IL23R: variants seen among roughly 807,000 people sequenced by gnomAD.
IL23R encodes interleukin 23 receptor, also known as interleukin-23 receptor.
Under a neutral mutation model 56.9 loss-of-function variants are expected in IL23R, and 34 were observed. The ratio of observed to expected loss-of-function variants is 0.60; its 90% CI spans 0.45 to 0.80. The LOEUF is 0.80. IL23R is among the 30% of genes least tolerant of loss of function. IL23R has a pLI of 0.00. For synonymous variants in IL23R, 230 were observed against 249.2 expected (o/e 0.92, Z 0.73); for missense variants, 635 against 730.0 (o/e 0.87, Z 1.50).
chr1:67,147,311 AT>A (rs1485294749), intron 1 of IL23R, among the ~76,000 whole-genome samples: 1 of 151,982 alleles, frequency 6.6e-6, no homozygotes, highest in Non-Finnish European at 1.5e-5. Flanking sequence ...ATTAATTCCC[AT>A]TTTTTCACAT....
At chr1:67,167,036 A>T (rs1170853295) in intron 1 of IL23R, among the ~76,000 whole-genome samples, 1 of 152,208 alleles carries the variant, frequency 6.6e-6, no homozygotes. Context: ...TAAACTAACA[A>T]CGGTATTATT....
intron 1 of IL23R, among the ~76,000 whole-genome samples, chr1:67,146,603 A>T (rs139705905): frequency 6.6e-6 from 1 of 152,180 alleles, no homozygotes; most frequent in South Asian, 2.1e-4. Context: ...ATCCTGGCCC[A>T]TTATCTTTTA....
chr1:67,150,696 T>C (rs1418806385), intron 1 of IL23R, among the ~76,000 whole-genome samples: 1 of 143,434 alleles, frequency 7.0e-6, no homozygotes, highest in East Asian at 2.0e-4. Context: ...GTTATCCAGA[T>C]AGAGATGTTG....
chr1:67,196,875 C>G (rs1237734417), intron 4 of IL23R, among the ~76,000 whole-genome samples: 1 of 152,156 alleles, frequency 6.6e-6, no homozygotes, highest in Non-Finnish European at 1.5e-5. Context: ...GACCGCATGC[C>G]TTTGACAACA....
chr1:67,199,329 TC>T lies in IL23R; in HGVS notation c.492-1403del, dbSNP rs569010051. ...TTGTCTCTGTCCAGGAGGTTGGCCT[TC>T]CCCCTACCCCATTGCGATCTCTCAC... On this transcript the variant is annotated intron_variant, in intron 4 of 10. Coordinates refer to ENST00000347310, the MANE Select transcript of IL23R (RefSeq NM_144701.3). 3.1e-3 allele frequency among the ~76,000 whole-genome samples: 471 copies of T among 152,180 alleles called. 5 individuals carry two copies. Among genetic ancestry groups the T allele is most frequent in the African/African-American group, 0.011 (450 of 41,504 alleles).
intron 9 of IL23R, among the ~76,000 whole-genome samples, chr1:67,250,233 G>T (rs186805437): frequency 4.6e-5 from 7 of 152,104 alleles, no homozygotes; most frequent in African/African-American, 1.7e-4. Flanking sequence ...TTTAATTTTG[G>T]TGCCTAAATT....
At chr1:67,149,048 C>T (rs1646706254) in intron 1 of IL23R, among the ~76,000 whole-genome samples, 1 of 152,182 alleles carries the variant, frequency 6.6e-6, no homozygotes, top group African/African-American at 2.4e-5. Context: ...TGTTATAGAA[C>T]ATTGTAGTGA....
At chr1:67,250,863 G>C (rs1652557464) in intron 9 of IL23R, among the ~76,000 whole-genome samples, 1 of 152,170 alleles carries the variant, frequency 6.6e-6, no homozygotes, top group Non-Finnish European at 1.5e-5. Flanking sequence ...GAAATGGCTA[G>C]GAAAACATGC....
At chr1:67,226,696 A>G (rs1650642624) in intron 7 of IL23R, among the ~76,000 whole-genome samples, 1 of 152,196 alleles carries the variant, frequency 6.6e-6, no homozygotes, top group South Asian at 2.1e-4. Context: ...TGGGTTTCCA[A>G]GCTTGAGGGT....
intron 4 of IL23R, among the ~76,000 whole-genome samples, chr1:67,194,112 G>A (rs895071412): frequency 3.3e-5 from 5 of 152,282 alleles, no homozygotes; most frequent in East Asian, 1.9e-4. Context: ...CAAAGCATGC[G>A]GGAACACCAC....
chr1:67,169,095 C>G (rs1481493356), intron 2 of IL23R, among the ~76,000 whole-genome samples: 11 of 134,728 alleles, frequency 8.2e-5, no homozygotes, highest in Non-Finnish European at 4.6e-5. Context: ...GAGCCGAGAT[C>G]GCAACACTGC....
chr1:67,148,978 C>G lies in IL23R; in HGVS notation c.-634+9817C>G, dbSNP rs1448715664. Among the ~76,000 whole-genome samples, 4 of 152,164 alleles carry G rather than the reference C, an allele frequency of 2.6e-5. No individual in the cohort carries two copies. In the East Asian group the frequency reaches 7.7e-4, roughly 29 times the overall value. On this transcript the variant is annotated intron_variant, in intron 1 of 10. Transcript: ENST00000637002. ...TCACTGCCTGGCAGGGCTGCCCTAG[C>G]CAACCGTCAGATCCGTGAAAATGAA...
At chr1:67,156,551 G>T (rs979352391) in intron 1 of IL23R, among the ~76,000 whole-genome samples, 1 of 152,128 alleles carries the variant, frequency 6.6e-6, no homozygotes, top group East Asian at 1.9e-4. Flanking sequence ...GGCCACAGTC[G>T]CTTTGCTGCA....
intron 9 of IL23R, among the ~76,000 whole-genome samples, chr1:67,251,822 T>C (rs1284369402): frequency 6.6e-6 from 1 of 152,214 alleles, no homozygotes; most frequent in Admixed American, 6.5e-5. Flanking sequence ...TCCATTGTGC[T>C]TCCCAGAAGG....
chr1:67,253,474 C>T (rs1391962810), intron 9 of IL23R, among the ~76,000 whole-genome samples: 1 of 152,136 alleles, frequency 6.6e-6, no homozygotes, highest in Non-Finnish European at 1.5e-5. Flanking sequence ...TCCTTCTTGC[C>T]ATCATTTGCT....
At chr1:67,163,468 C>CAAA (rs57495148), upstream of IL23R, among the ~76,000 whole-genome samples, 58 of 49,604 alleles carry the variant, frequency 1.2e-3, 2 homozygotes, top group African/African-American at 3.7e-3. Context: ...GACCCTGTCT[C>CAAA]AAAAAAAAAA....
chr1:67,161,678 A>C (rs774284319), upstream of IL23R, among the ~76,000 whole-genome samples: 1 of 151,830 alleles, frequency 6.6e-6, no homozygotes, highest in African/African-American at 2.4e-5. Context: ...GCCAGGCTGG[A>C]GTGCTGTGGC....
chr1:67,248,961 C>T (rs1321225011), intron 9 of IL23R, among the ~76,000 whole-genome samples: 1 of 151,958 alleles, frequency 6.6e-6, no homozygotes, highest in Non-Finnish European at 1.5e-5. Context: ...CGATGCCCCA[C>T]CCTGCTTCAG....
rs778386804 is a variant in IL23R, at chr1:67,200,903, G to T, written c.652+6G>T. 6 of 1,613,630 alleles carry T rather than the reference G, an allele frequency of 3.7e-6. No homozygotes were observed. In the East Asian group the frequency reaches 8.9e-5, roughly 24 times the overall value. On this transcript the variant is annotated splice_donor_region_variant and intron_variant, in intron 5 of 10. Transcript: ENST00000347310. ...AATTCACCTGGATGATATAGGTAAAGAATAAGAAATTCTGTAAGTCTTTAA... is the reference window on the plus strand; with the variant it reads ...AATTCACCTGGATGATATAGGTAAATAATAAGAAATTCTGTAAGTCTTTAA...
Sources: allele counts gnomAD v4.1 joint callset (sites outside exome capture counted in the v4.1 genomes callset), GRCh38; gene constraint gnomAD v4.1.1; transcripts MANE v1.5; gene names NCBI Gene and HGNC (gene_info 2026-07-23, HGNC 2026-07-21).